Variants in MYOF observed in about 807,000 individuals in gnomAD.
MYOF encodes the protein fer-1-like 3, myoferlin.
MYOF carries 244 observed loss-of-function variants against 284.2 expected under a neutral mutation model. That is an observed-to-expected ratio of 0.86 (90% CI 0.77 to 0.95). The LOEUF is 0.95. Among genes scored for constraint, MYOF ranks in the 40% least tolerant of loss-of-function variants. The pLI, the probability that MYOF is intolerant of heterozygous loss-of-function variation, is 0.00. For missense variants in MYOF, 2,496 were observed against 2,560.6 expected (o/e 0.97, Z 0.54); for synonymous variants, 904 against 919.7 (o/e 0.98, Z 0.31).
intron 1 of MYOF, among the ~76,000 whole-genome samples, chr10:93,475,295 T>G (rs563298733): frequency 6.6e-6 from 1 of 152,376 alleles, no homozygotes; most frequent in African/African-American, 2.4e-5. Flanking sequence ...GTGAGTCAGC[T>G]GACCACTGCC....
chr10:93,480,887 G>A (rs1474021134), intron 1 of MYOF, among the ~76,000 whole-genome samples: 3 of 152,184 alleles, frequency 2.0e-5, no homozygotes, highest in Non-Finnish European at 4.4e-5. Flanking sequence ...AGGTATAGAT[G>A]CCTCAGGAAC....
At chr10:93,350,038 T>G in intron 35 of MYOF, 69 bp from the exon 36 acceptor site, 1 of 1,472,706 alleles carries the variant, frequency 6.8e-7, no homozygotes, top group Non-Finnish European at 9.2e-7. Flanking sequence ...AAAGGAAAAA[T>G]TCTGTCTTAA....
chr10:93,341,505 G>T lies in MYOF; in HGVS notation c.4327-1341C>A, dbSNP rs916291139. Among the ~76,000 whole-genome samples, 4 of 152,186 alleles carry T rather than the reference G, an allele frequency of 2.6e-5. No homozygotes were observed. In the South Asian group the frequency reaches 8.3e-4, roughly 32 times the overall value. ...TTGGCCAGGCTGGTCGCAAACTCCT[G>T]ACCTCAGGTGATCCACCTGCCTCAG... is the stretch of plus-strand genomic sequence containing the variant. On this transcript the variant is annotated intron_variant, in intron 38 of 53. Coordinates refer to ENST00000359263, the MANE Select transcript of MYOF (RefSeq NM_013451.4).
rs777773447 is a variant in MYOF at position 93,389,149 on chromosome 10, T to G, written c.1462A>C (p.Thr488Pro). 2 of 1,613,052 alleles carry G rather than the reference T, an allele frequency of 1.2e-6. No homozygotes were observed. Among genetic ancestry groups the G allele is most frequent in the Non-Finnish European group, 1.7e-6 (2 of 1,179,690 alleles). ...GTGAASYTVN[T>P]GETEVGFVPT... is the part of the protein sequence containing the mutation. ...ACAAAGCCTACCTCTGTTTCTCCTGTGTTTACTGAGAGAGAAACATCATCA... is the reference window on the plus strand; with the variant it reads ...ACAAAGCCTACCTCTGTTTCTCCTGGGTTTACTGAGAGAGAAACATCATCA... Residue 488 changes from threonine (T) to proline (P), a missense_variant, in exon 18 of 54, where the codon ACA (threonine) becomes CCA (proline). By Grantham distance (38) the Thr-to-Pro change is conservative. This residue lies in a region of MYOF where 2,436 missense variants were observed against 2,480.7 expected (regional missense o/e 0.98). Coordinates refer to ENST00000359263, the MANE Select transcript of MYOF (RefSeq NM_013451.4).
At chr10:93,335,268 G>A (rs1267540881) in intron 41 of MYOF, among the ~76,000 whole-genome samples, 1 of 152,142 alleles carries the variant, frequency 6.6e-6, no homozygotes, top group Admixed American at 6.5e-5. Flanking sequence ...CCGGGGCTTG[G>A]GCGAGGCTCT....
At chr10:93,430,814 T>C (rs1848808011) in intron 4 of MYOF, among the ~76,000 whole-genome samples, 1 of 152,024 alleles carries the variant, frequency 6.6e-6, no homozygotes, top group African/African-American at 2.4e-5. Context: ...GCTAGTTCTG[T>C]GATTGAAAGT....
At position 93,414,102 on chromosome 10, in the gene MYOF, G is replaced by A. The variant is rs117844449; in HGVS notation, c.434-4363C>T. On this transcript the variant is annotated intron_variant, in intron 5 of 53. Transcript: ENST00000359263. ...AGAGACGTTCTCTCTCTGAAGCCTC[G>A]AGGGAAAAATCCTTCCTGTCTCTTC... is the stretch of plus-strand genomic sequence containing the variant. Among the ~76,000 whole-genome samples the A allele has an allele frequency of 6.6e-5, 10 of 152,278 alleles. No homozygotes were observed. The East Asian group carries it at 1.5e-3, about 23-fold the overall frequency.
At chr10:93,361,658 CCTTTA>C in intron 27 of MYOF, 101 bp from the exon 28 acceptor site, 5 of 982,422 alleles carry the variant, frequency 5.1e-6, no homozygotes. Context: ...GGCATTCACA[CCTTTA>C]CTTAGATACC....
intron 5 of MYOF, among the ~76,000 whole-genome samples, chr10:93,417,022 C>A (rs547283558): frequency 6.6e-6 from 1 of 152,336 alleles, no homozygotes; most frequent in Middle Eastern, 3.4e-3. Context: ...AAGTGACATG[C>A]CTACTGTCAC....
At chr10:93,351,872 C>T (rs375292906) in intron 32 of MYOF, 26 bp from the exon 33 acceptor site, 26 of 1,562,618 alleles carry the variant, frequency 1.7e-5, no homozygotes, top group Middle Eastern at 1.7e-4. Flanking sequence ...AGAATAACAA[C>T]GGGGCCACGG....
rs1844044376 is a variant in MYOF, at chr10:93,343,856, C to T, written c.4326G>A (p.Lys1442=). ...TCCACTGATCAGCTCTGAAGCCTAC[C>T]TTAGAAGCCAGTAATGGTTTGGTGT... ...MEDTKPLLAS[K]LTEKEEEIVD... Residue 1442 remains lysine, a splice_region_variant and synonymous_variant, in exon 38 of 54, where the codon AAG becomes AAA. Coordinates refer to ENST00000359263, the MANE Select transcript of MYOF (RefSeq NM_013451.4). 1 of 1,614,018 alleles carries T rather than the reference C, an allele frequency of 6.2e-7. No homozygotes were observed. Among genetic ancestry groups the T allele is most frequent in the African/African-American group, 1.3e-5 (1 of 74,926 alleles).
chr10:93,408,812 C>G lies in MYOF; in HGVS notation c.704G>C (p.Arg235Thr). 1 of 1,614,180 alleles carries G rather than the reference C, an allele frequency of 6.2e-7. No homozygotes were observed. The highest frequency in any genetic ancestry group is 8.5e-7 in the Non-Finnish European group (1 of 1,180,038). The change falls in exon 7 of 54, where the codon AGA (arginine) becomes ACA (threonine). Residue 235 changes from arginine (R) to threonine (T), a missense_variant. By Grantham distance (71) the Arg-to-Thr change is moderately conservative. This residue lies in a region of MYOF where 2,436 missense variants were observed against 2,480.7 expected (regional missense o/e 0.98). Transcript: ENST00000359263. ...CTCATCAAAAAAAGGGTTGTTTCCT[C>G]TCTTGATTCTTGTTCGGTGTGTCTG... ...CGQTHRTRIK[R>T]GNNPFFDELF...
rs1849127420 is a variant in MYOF at position 93,436,506 on chromosome 10, T to C, written c.237-4990A>G. 1.3e-5 allele frequency among the ~76,000 whole-genome samples: 2 copies of C among 152,144 alleles called. 1 individual carries two copies. The highest frequency in any genetic ancestry group is 3.8e-4 in the East Asian group (2 of 5,200). On this transcript the variant is annotated intron_variant, in intron 3 of 53. Coordinates refer to ENST00000359263, the MANE Select transcript of MYOF (RefSeq NM_013451.4). ...TTTATTATTTTTTCTGAAGTAAAGA[T>C]AGTGTGTTTAGATGACGGCCTGCAA...
chr10:93,341,708 A>G (rs756162243), intron 38 of MYOF, among the ~76,000 whole-genome samples: 43 of 152,234 alleles, frequency 2.8e-4, no homozygotes, highest in Non-Finnish European at 5.4e-4. Flanking sequence ...TTGCTTTATT[A>G]TATCTAATAA....
chr10:93,366,139 C>G (rs950776658), intron 26 of MYOF, among the ~76,000 whole-genome samples: 8 of 152,122 alleles, frequency 5.3e-5, no homozygotes, highest in Admixed American at 2.0e-4. Context: ...TAAGATGACG[C>G]CAGTGCCCAG....
chr10:93,405,391 A>G (rs534369519), intron 7 of MYOF, among the ~76,000 whole-genome samples: 1 of 152,250 alleles, frequency 6.6e-6, no homozygotes, highest in African/African-American at 2.4e-5. Context: ...TTCAGCTTCC[A>G]AAAGGAAGCT....
At chr10:93,443,884 C>T (rs1027249985) in intron 3 of MYOF, among the ~76,000 whole-genome samples, 5 of 152,178 alleles carry the variant, frequency 3.3e-5, no homozygotes, top group Admixed American at 1.3e-4. Context: ...AAGTAACTTG[C>T]CCAGGTCACC....
Position 93,396,135 on chromosome 10 carries a change from G to T in MYOF, c.1417+7C>A. On this transcript the variant is annotated splice_region_variant and intron_variant, in intron 16 of 53. Coordinates refer to ENST00000359263, the MANE Select transcript of MYOF (RefSeq NM_013451.4). ...CAGTCTTGTTCTAGATCTGTTGAGT[G>T]ACTTACCTTCCACTTCCCCACCAGA... is the stretch of plus-strand genomic sequence containing the variant. 6.3e-7 allele frequency: 1 copy of T among 1,599,470 alleles called. No homozygotes were observed. Among genetic ancestry groups the T allele is most frequent in the South Asian group, 1.1e-5 (1 of 89,702 alleles).
intron 4 of MYOF, among the ~76,000 whole-genome samples, chr10:93,428,704 G>C (rs1400809195): frequency 6.6e-6 from 1 of 152,046 alleles, no homozygotes; most frequent in Non-Finnish European, 1.5e-5. Flanking sequence ...CTCTGGAAGG[G>C]ACTGAACAGG....
Sources: allele counts gnomAD v4.1 joint callset (sites outside exome capture counted in the v4.1 genomes callset), GRCh38; gene constraint gnomAD v4.1.1; regional missense constraint gnomAD v4.1.1; transcripts MANE v1.5; gene names NCBI Gene and HGNC (gene_info 2026-07-23, HGNC 2026-07-21).